The following RPRD1A variants were observed in gnomAD, a reference collection of about 807,000 sequenced individuals.
The protein encoded by RPRD1A is regulation of nuclear pre-mRNA domain-containing protein 1A.
In RPRD1A, 9 loss-of-function variants were observed where a neutral mutation model predicts 37.8. That is an observed-to-expected ratio of 0.24 (90% CI 0.14 to 0.42). The LOEUF (loss-of-function observed/expected upper bound fraction) is 0.42, where lower values mean the gene tolerates loss of function less well. RPRD1A is among the 10% of genes least tolerant of loss of function. The pLI, the probability that RPRD1A is intolerant of heterozygous loss-of-function variation, is 1.00. For synonymous variants in RPRD1A, 138 were observed against 139.7 expected, an observed-to-expected ratio of 0.99 and a Z score of 0.08; for missense variants, 255 against 371.0, an observed-to-expected ratio of 0.69 and a Z score of 2.57.
At chr18:36,028,862 A>C (rs1911564045) in intron 4 of RPRD1A, among the ~76,000 whole-genome samples, 1 of 152,244 alleles carries the variant, frequency 6.6e-6, no homozygotes, top group Non-Finnish European at 1.5e-5. Context: ...ATTTTACACA[A>C]GTACTAGAGG....
intron 1 of RPRD1A, among the ~76,000 whole-genome samples, chr18:36,044,898 G>A (rs932460506): frequency 7.9e-5 from 12 of 151,814 alleles, no homozygotes; most frequent in African/African-American, 2.9e-4. Flanking sequence ...AAAAACAATA[G>A]TCTGAAATAC....
intron 1 of RPRD1A, among the ~76,000 whole-genome samples, chr18:36,062,571 A>C (rs916962012): frequency 3.3e-5 from 5 of 152,182 alleles, no homozygotes; most frequent in African/African-American, 1.2e-4. Context: ...AAATTCATAC[A>C]ATATTCTATT....
chr18:36,045,786 G>A (rs1433732297), intron 1 of RPRD1A, among the ~76,000 whole-genome samples: 2 of 152,066 alleles, frequency 1.3e-5, no homozygotes, highest in Non-Finnish European at 2.9e-5. Context: ...AACATTCCTT[G>A]GGAATCACAT....
chr18:36,054,478 G>A (rs541665949), intron 1 of RPRD1A, among the ~76,000 whole-genome samples: 20 of 152,256 alleles, frequency 1.3e-4, no homozygotes, highest in African/African-American at 3.1e-4. Flanking sequence ...GCAACAGAGC[G>A]AGACTCCATC....
chr18:36,051,144 T>C (rs1913360949), intron 1 of RPRD1A, among the ~76,000 whole-genome samples: 2 of 152,056 alleles, frequency 1.3e-5, no homozygotes. Flanking sequence ...CAATGATTAC[T>C]AGTACAGTTT....
chr18:36,048,749 T>C (rs1234254144), intron 1 of RPRD1A, among the ~76,000 whole-genome samples: 1 of 152,056 alleles, frequency 6.6e-6, no homozygotes, highest in Non-Finnish European at 1.5e-5. Context: ...TCATCAGTCT[T>C]ATTACACATG....
chr18:35,992,564 G>A lies in RPRD1A; in HGVS notation c.*587C>T, dbSNP rs1326082000. 1 of 152,108 alleles carries A rather than the reference G, an allele frequency of 6.6e-6. No homozygotes were observed. The highest frequency in any genetic ancestry group is 1.5e-5 in the Non-Finnish European group (1 of 68,012). The allele number at this position is 152,108 out of a possible 1,614,324, so 9.4% of individuals were successfully genotyped here. On this transcript the variant is annotated 3_prime_UTR_variant, in exon 7 of 7. Transcript: ENST00000399022. ...AATGCTATTAAGGAACAGTTCTCTA[G>A]ACTTTCATCTGCCCCTCAAAGTGAC... is the stretch of plus-strand genomic sequence containing the variant.
At chr18:36,028,803 C>T (rs1182365899) in intron 4 of RPRD1A, among the ~76,000 whole-genome samples, 1 of 152,152 alleles carries the variant, frequency 6.6e-6, no homozygotes, top group African/African-American at 2.4e-5. Context: ...GATAATTAAG[C>T]AGCACAACTA....
intron 1 of RPRD1A, among the ~76,000 whole-genome samples, chr18:36,056,164 A>C (rs1203749326): frequency 6.6e-6 from 1 of 152,216 alleles, no homozygotes; most frequent in Non-Finnish European, 1.5e-5. Context: ...AATACAATGC[A>C]ATCATTTTTT....
rs71381561 is a variant in RPRD1A at position 36,008,589 on chromosome 18, A to ATACATATATATATATATATC, written c.790-15290_790-15289insGATATATATATATATATGTA. Among the ~76,000 whole-genome samples the ATACATATATATATATATATC allele has an allele frequency of 5.5e-5, 5 of 90,826 alleles. 1 individual carries two copies. The highest frequency in any genetic ancestry group is 2.6e-4 in the Admixed American group (2 of 7,710). The allele number at this position is 90,826 out of a possible 152,430, so 59.6% of individuals were successfully genotyped here. A position where few individuals can be genotyped will look rare whatever the true frequency, so the allele number is the denominator to read the frequency against. On this transcript the variant is annotated intron_variant, in intron 6 of 6. Transcript: ENST00000399022. ...AGACCTTGTGTGTGTATATATATAT[A>ATACATATATATATATATATC]TCTTTAAAAATCTCTCTAGGAAAAA... is the stretch of plus-strand genomic sequence containing the variant.
intron 6 of RPRD1A, among the ~76,000 whole-genome samples, chr18:36,023,732 C>T (rs1911164992): frequency 6.6e-6 from 1 of 152,166 alleles, no homozygotes; most frequent in Non-Finnish European, 1.5e-5. Flanking sequence ...CAGTCAACAG[C>T]CATCAATATC....
intron 6 of RPRD1A, among the ~76,000 whole-genome samples, chr18:36,017,685 T>G (rs1442946002): frequency 6.6e-6 from 1 of 152,272 alleles, no homozygotes; most frequent in Non-Finnish European, 1.5e-5. Flanking sequence ...CAGAGTTCTA[T>G]GAATGCCTCT....
At chr18:36,057,017 C>T (rs1223434333) in intron 1 of RPRD1A, among the ~76,000 whole-genome samples, 1 of 134,858 alleles carries the variant, frequency 7.4e-6, no homozygotes, top group Non-Finnish European at 1.5e-5. Context: ...GAGTTCGAGA[C>T]CAGCCTCAGC....
chr18:36,062,626 T>C (rs1292270359), intron 1 of RPRD1A, among the ~76,000 whole-genome samples: 4 of 152,216 alleles, frequency 2.6e-5, no homozygotes, highest in Non-Finnish European at 4.4e-5. Context: ...CTTTTGCAAC[T>C]GGCTTCTTTT....
intron 6 of RPRD1A, chr18:36,026,190 A>T (rs930924993): frequency 5.9e-5 from 9 of 152,538 alleles, no homozygotes; most frequent in African/African-American, 1.9e-4. Flanking sequence ...AAGGGATTCA[A>T]ATTAGAAATT....
intron 6 of RPRD1A, among the ~76,000 whole-genome samples, chr18:36,019,102 A>ATTTTTTTTTTTTTTTTTTTTTTTTTTTT (rs946306446): frequency 2.5e-5 from 3 of 118,548 alleles, no homozygotes; most frequent in African/African-American, 6.7e-5. Context: ...GGGACCATTG[A>ATTTTTTTTTTTTTTTTTTTTTTTTTTTT]TTTTTTTTTT....
At chr18:36,022,705 G>A (rs972592075) in intron 6 of RPRD1A, among the ~76,000 whole-genome samples, 2 of 152,192 alleles carry the variant, frequency 1.3e-5, no homozygotes, top group African/African-American at 2.4e-5. Context: ...ATTCCCACCT[G>A]TAGTCACAGC....
chr18:36,004,280 G>T (rs949983535), intron 6 of RPRD1A, among the ~76,000 whole-genome samples: 3 of 151,140 alleles, frequency 2.0e-5, no homozygotes, highest in African/African-American at 7.3e-5. Flanking sequence ...TCCAAGATGG[G>T]GTCTCACTCT....
intron 1 of RPRD1A, among the ~76,000 whole-genome samples, chr18:36,048,069 T>C (rs1913088357): frequency 6.7e-6 from 1 of 149,134 alleles, no homozygotes; most frequent in Non-Finnish European, 1.5e-5. Flanking sequence ...ATTCCTTTTT[T>C]TTTTTTTTTT....
Sources: allele counts gnomAD v4.1 joint callset (sites outside exome capture counted in the v4.1 genomes callset), GRCh38; gene constraint gnomAD v4.1.1; transcripts MANE v1.5; gene names NCBI Gene and HGNC (gene_info 2026-07-23, HGNC 2026-07-21).